ADCY2: variants seen among roughly 807,000 people sequenced by gnomAD.
ADCY2 encodes the protein adenylate cyclase 2.
Under a neutral mutation model 125.2 loss-of-function variants are expected in ADCY2, and 31 were observed. The observed-to-expected ratio is 0.25, with a 90% CI of 0.19 to 0.33. The LOEUF (loss-of-function observed/expected upper bound fraction) is 0.33, where lower values mean the gene tolerates loss of function less well. Ranked by LOEUF, ADCY2 falls within the 10% of genes least tolerant of loss-of-function variation. The pLI is 1.00. For synonymous variants in ADCY2, 512 were observed against 548.4 expected (o/e 0.93, Z 0.93); for missense variants, 904 against 1,418.2 (o/e 0.64, Z 5.82).
chr5:7,479,707 G>A (rs961424225), intron 2 of ADCY2, among the ~76,000 whole-genome samples: 4 of 151,292 alleles, frequency 2.6e-5, no homozygotes, highest in African/African-American at 9.7e-5. Flanking sequence ...AGTAATTTTT[G>A]TACCCATTAT....
At chr5:7,522,379 C>T (rs889707034) in intron 3 of ADCY2, 1 of 152,110 alleles carries the variant, frequency 6.6e-6, no homozygotes, top group Non-Finnish European at 1.5e-5. Context: ...CCCTTCTACT[C>T]AAAAGAACAA....
intron 2 of ADCY2, among the ~76,000 whole-genome samples, chr5:7,444,198 C>G (rs1014487312): frequency 1.3e-5 from 2 of 150,586 alleles, no homozygotes; most frequent in African/African-American, 4.9e-5. Flanking sequence ...ACTGCAAGCT[C>G]CGCCTCCCGG....
chr5:7,552,810 A>G lies in ADCY2; in HGVS notation c.570+31911A>G, dbSNP rs143964946. Among the ~76,000 whole-genome samples, 761 of 152,324 alleles carry G rather than the reference A, an allele frequency of 5.0e-3. 8 individuals carry two copies. Among genetic ancestry groups the G allele is most frequent in the African/African-American group, 0.017 (722 of 41,576 alleles). The stretch of plus-strand genomic sequence containing the variant: ...ATATTTTTTCTTAGGTTGCCCTTGT[A>G]CTAAAGCTTTAGAACCTGTATGGTA... On this transcript the variant is annotated intron_variant, in intron 3 of 24. Transcript: ENST00000338316.
At chr5:7,744,928 G>C (rs923973803) in intron 15 of ADCY2, among the ~76,000 whole-genome samples, 3 of 152,200 alleles carry the variant, frequency 2.0e-5, no homozygotes, top group Non-Finnish European at 4.4e-5. Context: ...TGGTTAGACT[G>C]TAACAACGCA....
intron 4 of ADCY2, among the ~76,000 whole-genome samples, chr5:7,683,626 C>CA (rs1190124577): frequency 2.0e-5 from 3 of 152,078 alleles, no homozygotes; most frequent in African/African-American, 7.2e-5. Flanking sequence ...CTGCTGCTTA[C>CA]ATGTCACTGG....
chr5:7,426,017 C>T (rs1185101517), intron 2 of ADCY2, among the ~76,000 whole-genome samples: 4 of 152,124 alleles, frequency 2.6e-5, no homozygotes, highest in African/African-American at 4.8e-5. Flanking sequence ...AACCCCCAGG[C>T]GAGAAACAAG....
chr5:7,549,335 C>A (rs883535), intron 3 of ADCY2, among the ~76,000 whole-genome samples: 8,235 of 152,260 alleles, frequency 0.054, 281 homozygotes, highest in Middle Eastern at 0.11. Context: ...GGGCTCATGG[C>A]AAATGGAAGG....
intron 3 of ADCY2, among the ~76,000 whole-genome samples, chr5:7,525,158 A>G (rs969063657): frequency 3.3e-5 from 5 of 152,100 alleles, no homozygotes; most frequent in Non-Finnish European, 7.4e-5. Flanking sequence ...ACACGCTGCC[A>G]TGCCTGGCTA....
At chr5:7,662,557 A>C (rs1739569695) in intron 4 of ADCY2, among the ~76,000 whole-genome samples, 1 of 152,186 alleles carries the variant, frequency 6.6e-6, no homozygotes, top group Non-Finnish European at 1.5e-5. Context: ...CTTCAGTTCT[A>C]TTTTTAATTT....
At chr5:7,811,085 C>T (rs548577494) in intron 22 of ADCY2, among the ~76,000 whole-genome samples, 2 of 152,222 alleles carry the variant, frequency 1.3e-5, no homozygotes, top group South Asian at 2.1e-4. Context: ...CACCCATTTC[C>T]CCCAACAACC....
At chr5:7,582,413 C>T (rs73048165) in intron 3 of ADCY2, among the ~76,000 whole-genome samples, 4,273 of 152,156 alleles carry the variant, frequency 0.028, 190 homozygotes, top group African/African-American at 0.097. Flanking sequence ...CTCTTGTCGA[C>T]TCATTTTATG....
chr5:7,734,855 A>C (rs1232420832), intron 14 of ADCY2, among the ~76,000 whole-genome samples: 2 of 152,224 alleles, frequency 1.3e-5, no homozygotes, highest in East Asian at 3.9e-4. Context: ...GTCTGACATC[A>C]GGGTGCCAGC....
At chr5:7,764,367 A>G (rs1743319723) in intron 16 of ADCY2, among the ~76,000 whole-genome samples, 1 of 152,182 alleles carries the variant, frequency 6.6e-6, no homozygotes, top group African/African-American at 2.4e-5. Context: ...ATTTCTTCTG[A>G]GAAATTTCCA....
chr5:7,459,085 G>T (rs964268180), intron 2 of ADCY2, among the ~76,000 whole-genome samples: 3 of 152,216 alleles, frequency 2.0e-5, no homozygotes, highest in Admixed American at 6.5e-5. Context: ...CTCACTCTAG[G>T]CTGTAGGTGG....
chr5:7,705,826 C>T (rs1315482037), intron 7 of ADCY2, among the ~76,000 whole-genome samples: 2 of 152,112 alleles, frequency 1.3e-5, no homozygotes, highest in African/African-American at 2.4e-5. Context: ...ATTTTTATAT[C>T]GTGGGTCCGT....
At chr5:7,460,198 A>G (rs2126437669) in intron 2 of ADCY2, among the ~76,000 whole-genome samples, 1 of 152,212 alleles carries the variant, frequency 6.6e-6, no homozygotes, top group East Asian at 1.9e-4. Flanking sequence ...ATAAGCAGGG[A>G]TCATTTAAAA....
chr5:7,495,390 T>A (rs1432246123), intron 2 of ADCY2, among the ~76,000 whole-genome samples: 1 of 152,218 alleles, frequency 6.6e-6, no homozygotes, highest in Non-Finnish European at 1.5e-5. Flanking sequence ...TACCATGAAC[T>A]CTTAAGATAG....
At chr5:7,608,207 A>T (rs546541440) in intron 3 of ADCY2, among the ~76,000 whole-genome samples, 15 of 152,330 alleles carry the variant, frequency 9.8e-5, no homozygotes, top group Admixed American at 3.3e-4. Flanking sequence ...CTACCTCTTA[A>T]ATTGTCTCTA....
At chr5:7,734,059 T>C (rs1302622750) in intron 14 of ADCY2, among the ~76,000 whole-genome samples, 1 of 152,248 alleles carries the variant, frequency 6.6e-6, no homozygotes, top group Non-Finnish European at 1.5e-5. Flanking sequence ...GAGGAATTTT[T>C]ATTTCATGCT....
Sources: gnomAD v4.1 joint callset for allele counts (sites outside exome capture counted in the v4.1 genomes callset) on GRCh38, gnomAD v4.1.1 for gene constraint, MANE v1.5 for transcripts, NCBI Gene and HGNC (gene_info 2026-07-23, HGNC 2026-07-21) for gene names.